BRAF: variants seen among roughly 807,000 people sequenced by gnomAD.
BRAF encodes the protein serine/threonine-protein kinase B-raf.
BRAF carries 16 observed loss-of-function variants against 104.6 expected under a neutral mutation model. That is an observed-to-expected ratio of 0.15 (90% CI 0.10 to 0.23). The LOEUF is 0.23. Ranked by LOEUF, BRAF falls within the 10% of genes least tolerant of loss-of-function variation. The pLI is 1.00. For missense variants in BRAF, 541 were observed against 937.3 expected (o/e 0.58, Z 5.52); for synonymous variants, 310 against 341.6 (o/e 0.91, Z 1.02).
chr7:140,755,836 C>A (rs944953513), intron 14 of BRAF, among the ~76,000 whole-genome samples: 1 of 151,492 alleles, frequency 6.6e-6, no homozygotes, highest in Non-Finnish European at 1.5e-5. Context: ...GTTGGTGGAG[C>A]TAGGTCCTGC....
intron 5 of BRAF, among the ~76,000 whole-genome samples, chr7:140,805,213 G>C (rs775876901): frequency 1.3e-4 from 20 of 152,100 alleles, no homozygotes; most frequent in Non-Finnish European, 2.5e-4. Context: ...CTGGCTTTTT[G>C]AGGACATTTA....
Position 140,865,989 on chromosome 7 carries a change from A to G in BRAF, c.139-15777T>C, listed in dbSNP as rs1007163318. 4.6e-5 allele frequency among the ~76,000 whole-genome samples: 7 copies of G among 152,346 alleles called. No homozygotes were observed. The South Asian group carries it at 1.4e-3, about 32-fold the overall frequency. On this transcript the variant is annotated intron_variant, in intron 1 of 19. Coordinates refer to ENST00000644969, the MANE Select transcript of BRAF (RefSeq NM_001374258.1). ...GAAACAGTATCAAGAATAACTGTCC[A>G]TAACGTCAAACTGTCCACAAAGTCA...
At chr7:140,789,445 T>C (rs1801725219) in intron 8 of BRAF, among the ~76,000 whole-genome samples, 2 of 152,178 alleles carry the variant, frequency 1.3e-5, no homozygotes, top group African/African-American at 4.8e-5. Context: ...TCTTTAAAGA[T>C]GTATTTCTAT....
At chr7:140,844,920 A>C (rs1808387069) in intron 2 of BRAF, among the ~76,000 whole-genome samples, 1 of 143,540 alleles carries the variant, frequency 7.0e-6, no homozygotes, top group South Asian at 2.2e-4. Context: ...ACTCCATCTC[A>C]AAAAAAAAAA....
chr7:140,838,685 G>T (rs1386853240), intron 2 of BRAF, among the ~76,000 whole-genome samples: 1 of 152,120 alleles, frequency 6.6e-6, no homozygotes, highest in Non-Finnish European at 1.5e-5. Context: ...GAAGTTGGAG[G>T]ACTTATACTT....
At chr7:140,865,685 C>T (rs1025505977) in intron 1 of BRAF, among the ~76,000 whole-genome samples, 2 of 152,118 alleles carry the variant, frequency 1.3e-5, no homozygotes, top group Non-Finnish European at 2.9e-5. Context: ...CAAGTGTCTA[C>T]ATAGATAGAA....
chr7:140,909,845 C>CAAA (rs200071347), intron 1 of BRAF, among the ~76,000 whole-genome samples: 25 of 146,932 alleles, frequency 1.7e-4, no homozygotes, highest in East Asian at 9.9e-4. Flanking sequence ...ACAACAACAA[C>CAAA]AAAAAAGTGC....
At chr7:140,811,502 G>A (rs1334965298) in intron 3 of BRAF, among the ~76,000 whole-genome samples, 1 of 152,158 alleles carries the variant, frequency 6.6e-6, no homozygotes, top group Non-Finnish European at 1.5e-5. Context: ...ACCCAGCAGG[G>A]AGTCTATGTA....
intron 18 of BRAF, among the ~76,000 whole-genome samples, chr7:140,735,454 T>G (rs1339901201): frequency 1.3e-5 from 2 of 152,362 alleles, no homozygotes; most frequent in African/African-American, 4.8e-5. Context: ...TTCATAATCA[T>G]GAAACATGTT....
intron 14 of BRAF, among the ~76,000 whole-genome samples, chr7:140,775,262 C>G (rs139828253): frequency 6.6e-6 from 1 of 152,104 alleles, no homozygotes; most frequent in Non-Finnish European, 1.5e-5. Context: ...TGCAAAGAGA[C>G]CAGTGGTGTG....
Position 140,723,166 on chromosome 7 carries a change from T to C in BRAF, c.*3328A>G. ...GGTTTGCAAGCAGCTGGCGGGTGGA[T>C]GTACAGTGGGGACAGGTGAGATCTG... On this transcript the variant is annotated 3_prime_UTR_variant, in exon 20 of 20. Transcript: ENST00000644969. 9.5e-7 allele frequency: 1 copy of C among 1,053,520 alleles called. No individual in the cohort carries two copies. The highest frequency in any genetic ancestry group is 1.1e-6 in the Non-Finnish European group (1 of 872,144). The allele number at this position is 1,053,520 out of a possible 1,614,324, so 65.3% of individuals were successfully genotyped here. A position where few individuals can be genotyped will look rare whatever the true frequency, so the allele number is the denominator to read the frequency against.
chr7:140,796,298 CCAAGAT>C (rs1802485794), intron 7 of BRAF, among the ~76,000 whole-genome samples: 1 of 150,934 alleles, frequency 6.6e-6, no homozygotes, highest in Non-Finnish European at 1.5e-5. Context: ...CTGCAGTGAG[CCAAGAT>C]CACGTCTCTG....
Position 140,850,220 on chromosome 7 carries a change from AT to A in BRAF, c.139-9del, listed in dbSNP as rs1487772115. On this transcript the variant is annotated splice_polypyrimidine_tract_variant and intron_variant, in intron 1 of 19. Transcript: ENST00000644969. ...TTGTTTGATATTCCACACCTAAAAA[AT>A]ATTTCAAAAGAATTTAAATAAAAAT... The A allele has an allele frequency of 3.2e-6, 5 of 1,570,148 alleles. No homozygotes were observed. The highest frequency in any genetic ancestry group is 1.7e-4 in the Middle Eastern group (1 of 5,730).
chr7:140,793,236 A>G (rs1802160341), intron 8 of BRAF, among the ~76,000 whole-genome samples: 1 of 152,218 alleles, frequency 6.6e-6, no homozygotes, highest in African/African-American at 2.4e-5. Flanking sequence ...TTCAAAGTAA[A>G]GATGAAGGTT....
intron 14 of BRAF, among the ~76,000 whole-genome samples, chr7:140,764,521 G>T (rs1799110506): frequency 6.6e-6 from 1 of 151,584 alleles, no homozygotes; most frequent in East Asian, 1.9e-4. Context: ...CCTGTTTGCA[G>T]ACGACATGAT....
chr7:140,799,813 C>A, intron 7 of BRAF: 1 of 240,792 alleles, frequency 4.2e-6, no homozygotes, highest in Non-Finnish European at 8.2e-6. Flanking sequence ...CATTGTTTGC[C>A]ATTGTCTCAC....
Position 140,725,291 on chromosome 7 carries a change from G to A in BRAF, c.*1203C>T, listed in dbSNP as rs949192938. On this transcript the variant is annotated 3_prime_UTR_variant, in exon 20 of 20. Transcript: ENST00000644969. ...GTGGATCCAGCAAGTACCATTAATT[G>A]AAAAATTATAAATATTTGTCATTAT... 1 of 1,037,262 alleles carries A rather than the reference G, an allele frequency of 9.6e-7. No individual in the cohort carries two copies. Among genetic ancestry groups the A allele is most frequent in the African/African-American group, 1.7e-5 (1 of 59,666 alleles). 64.3% of individuals were successfully genotyped at this position (1,037,262 alleles called of 1,614,324 possible).
In BRAF at chr7:140,795,776, T is replaced by C. The variant is rs189016559; in HGVS notation, c.981-1309A>G. On this transcript the variant is annotated intron_variant, in intron 7 of 19. Coordinates refer to ENST00000644969, the MANE Select transcript of BRAF (RefSeq NM_001374258.1). ...TTGATATGCAAATAATAAAATATTA[T>C]GTACTAAAAAAAAATTGGTATCGGC... is the stretch of plus-strand genomic sequence containing the variant. Among the ~76,000 whole-genome samples the C allele has an allele frequency of 5.3e-3, 801 of 152,282 alleles. 2 individuals are homozygous for C. The highest frequency in any genetic ancestry group is 9.0e-3 in the Non-Finnish European group (614 of 68,022).
intron 17 of BRAF, among the ~76,000 whole-genome samples, chr7:140,746,424 G>A (rs1279655611): frequency 6.6e-6 from 1 of 152,056 alleles, no homozygotes; most frequent in Non-Finnish European, 1.5e-5. Flanking sequence ...GTGAATAAAG[G>A]TAAAAAGGCA....
Sources: allele counts gnomAD v4.1 joint callset (sites outside exome capture counted in the v4.1 genomes callset), GRCh38; gene constraint gnomAD v4.1.1; transcripts MANE v1.5; gene names NCBI Gene and HGNC (gene_info 2026-07-23, HGNC 2026-07-21).